The following IPO5 variants were observed in gnomAD, a reference collection of about 807,000 sequenced individuals.
IPO5 encodes the protein importin-5.
In IPO5, 18 loss-of-function variants were observed where a neutral mutation model predicts 143.3. That is an observed-to-expected ratio of 0.13 (90% CI 0.09 to 0.19). The LOEUF (loss-of-function observed/expected upper bound fraction) is 0.19, where lower values mean the gene tolerates loss of function less well. Among genes scored for constraint, IPO5 ranks in the 10% least tolerant of loss-of-function variants. The pLI, the probability that IPO5 is intolerant of heterozygous loss-of-function variation, is 1.00. For synonymous variants in IPO5, 477 were observed against 465.7 expected (o/e 1.02, Z -0.31); for missense variants, 1,013 against 1,336.9 (o/e 0.76, Z 3.78).
chr13:98,019,531 G>A (rs780647353), intron 26 of IPO5, 50 bp from the exon 27 acceptor site: 13 of 1,210,126 alleles, frequency 1.1e-5, no homozygotes, highest in African/African-American at 1.5e-5. Flanking sequence ...ATATTCATTT[G>A]CATGAAAATG....
At chr13:97,960,511 A>C (rs1315398004) in intron 2 of IPO5, 1 of 151,764 alleles carries the variant, frequency 6.6e-6, no homozygotes, top group Non-Finnish European at 1.5e-5. Context: ...CTTTATTGAG[A>C]CATTCATACA....
intron 4 of IPO5, among the ~76,000 whole-genome samples, chr13:97,977,361 G>A (rs1158599161): frequency 6.6e-6 from 1 of 152,108 alleles, no homozygotes; most frequent in Non-Finnish European, 1.5e-5. Flanking sequence ...AACATCAGAA[G>A]CCAGATTTCC....
chr13:98,021,767 C>T lies in IPO5; in HGVS notation c.3239C>T (p.Ala1080Val), dbSNP rs1402954566. Residue 1080 changes from alanine to valine, a missense_variant, in exon 29 of 29, where the codon GCA (alanine) becomes GTA (valine). Coordinates refer to ENST00000651721, the MANE Select transcript of IPO5 (RefSeq NM_002271.6). ...GGAGGACTGTGGACTGAGTGCATAGCACAGCTCAGTCCTGAGCAGCAGGCC... is the reference window on the plus strand; with the variant it reads ...GGAGGACTGTGGACTGAGTGCATAGTACAGCTCAGTCCTGAGCAGCAGGCC... ...TSGGLWTECI[A>V]QLSPEQQAAI... is the part of the protein sequence containing the mutation. The T allele has an allele frequency of 1.3e-6, 2 of 1,594,612 alleles. No individual in the cohort carries two copies. Among genetic ancestry groups the T allele is most frequent in the East Asian group, 2.2e-5 (1 of 44,616 alleles).
At chr13:97,962,001 C>T (rs1162648780) in intron 2 of IPO5, among the ~76,000 whole-genome samples, 2 of 152,070 alleles carry the variant, frequency 1.3e-5, no homozygotes, top group Non-Finnish European at 2.9e-5. Flanking sequence ...TGGGGGCGCA[C>T]ACCTGTAATC....
At chr13:97,959,979 CAAAT>C (rs560664423) in intron 2 of IPO5, among the ~76,000 whole-genome samples, 4 of 152,138 alleles carry the variant, frequency 2.6e-5, no homozygotes, top group Admixed American at 1.3e-4. Flanking sequence ...TTTTTCTAAA[CAAAT>C]GAATGAAGAA....
chr13:98,006,990 C>T (rs1011741215), intron 17 of IPO5, among the ~76,000 whole-genome samples: 3 of 151,400 alleles, frequency 2.0e-5, no homozygotes, highest in African/African-American at 7.3e-5. Context: ...GTCAGCCTCC[C>T]AGGTAGCTGA....
rs905864237 is a variant in IPO5, at chr13:97,961,133, C to T, written c.-113+6935C>T. 2.0e-5 allele frequency among the ~76,000 whole-genome samples: 3 copies of T among 152,330 alleles called. No individual in the cohort carries two copies. In the South Asian group the frequency reaches 6.2e-4, roughly 32 times the overall value. On this transcript the variant is annotated intron_variant, in intron 2 of 28. Coordinates refer to ENST00000651721, the MANE Select transcript of IPO5 (RefSeq NM_002271.6). ...GGCAGTCTAATGAGTTTAAGGTTCA[C>T]TCATGTTGTTACATGTATCATTACT... is the stretch of plus-strand genomic sequence containing the variant.
intron 5 of IPO5, among the ~76,000 whole-genome samples, chr13:97,983,498 G>C (rs1224506375): frequency 6.7e-6 from 1 of 149,248 alleles, no homozygotes; most frequent in African/African-American, 2.5e-5. Context: ...GGATTTTATA[G>C]TTTCCTACTA....
chr13:97,961,637 A>G (rs1884892107), intron 2 of IPO5, among the ~76,000 whole-genome samples: 1 of 152,170 alleles, frequency 6.6e-6, no homozygotes, highest in Non-Finnish European at 1.5e-5. Flanking sequence ...TGAAGTGGTA[A>G]CTTACATTGT....
At chr13:97,968,489 A>C (rs1362090349) in intron 2 of IPO5, among the ~76,000 whole-genome samples, 1 of 152,040 alleles carries the variant, frequency 6.6e-6, no homozygotes, top group Non-Finnish European at 1.5e-5. Context: ...GTCTCAAACT[A>C]TTTTTGTTGA....
intron 2 of IPO5, among the ~76,000 whole-genome samples, chr13:97,961,246 T>C (rs1436211059): frequency 1.3e-5 from 2 of 152,230 alleles, no homozygotes; most frequent in Admixed American, 6.5e-5. Context: ...AGTTGAATTG[T>C]TTCCACTTTT....
At position 98,022,332 on chromosome 13, in the gene IPO5, A is replaced by T. The variant is rs376467355; in HGVS notation, c.*510A>T. On this transcript the variant is annotated 3_prime_UTR_variant, in exon 29 of 29. Coordinates refer to ENST00000651721, the MANE Select transcript of IPO5 (RefSeq NM_002271.6). ...CAGACAACAAGCATGAAGATGGCAT[A>T]TTTGATGTCACTTTGGTTCTTTTTC... 3.3e-5 allele frequency: 5 copies of T among 152,604 alleles called. No individual in the cohort carries two copies. The highest frequency in any genetic ancestry group is 1.2e-4 in the African/African-American group (5 of 41,450). 9.5% of individuals were successfully genotyped at this position (152,604 alleles called of 1,614,324 possible). A position where few individuals can be genotyped will look rare whatever the true frequency, so the allele number is the denominator to read the frequency against.
intron 6 of IPO5, among the ~76,000 whole-genome samples, chr13:97,987,709 G>T (rs1887488392): frequency 6.6e-6 from 1 of 152,080 alleles, no homozygotes; most frequent in Non-Finnish European, 1.5e-5. Context: ...CACCCTGTTT[G>T]CCAGCCTGGT....
In IPO5 at chr13:98,002,872, A is replaced by G; in HGVS notation, c.1332A>G (p.Ala444=). Residue 444 remains alanine, a synonymous_variant, in exon 16 of 29, where the codon GCA becomes GCG. Coordinates refer to ENST00000651721, the MANE Select transcript of IPO5 (RefSeq NM_002271.6). ...TTGGTTTCATTTCACAGGTGATTGC[A>G]GCTCTGCTGCAGACCATGGAAGACC... ...FQKKFHEKVI[A]ALLQTMEDQG... is the part of the protein sequence containing the mutation. 1 of 1,610,766 alleles carries G rather than the reference A, an allele frequency of 6.2e-7. No homozygotes were observed. Among genetic ancestry groups the G allele is most frequent in the Non-Finnish European group, 8.5e-7 (1 of 1,178,792 alleles).
rs1890561691 is a variant in IPO5 at position 98,022,592 on chromosome 13, G to A, written c.*770G>A. On this transcript the variant is annotated 3_prime_UTR_variant, in exon 29 of 29. Transcript: ENST00000651721. ...AGTAATAGCTATCAGTAATAGCTGAGTGTTTTTTCCCCTAATATTTTCCTT... is the reference window on the plus strand; with the variant it reads ...AGTAATAGCTATCAGTAATAGCTGAATGTTTTTTCCCCTAATATTTTCCTT... 6.6e-6 allele frequency: 1 copy of A among 152,210 alleles called. No individual in the cohort carries two copies. The allele number at this position is 152,210 out of a possible 1,614,324, so 9.4% of individuals were successfully genotyped here.
At chr13:97,983,475 A>G (rs1354592752) in intron 5 of IPO5, among the ~76,000 whole-genome samples, 1 of 151,392 alleles carries the variant, frequency 6.6e-6, no homozygotes, top group African/African-American at 2.4e-5. Context: ...GGTAAAAACA[A>G]GGCTATTTCC....
At chr13:97,982,707 T>C (rs1436148875) in intron 5 of IPO5, 124 bp downstream of exon 5, 1 of 668,770 alleles carries the variant, frequency 1.5e-6, no homozygotes, top group Non-Finnish European at 2.5e-6. Context: ...AACTTTGTAC[T>C]TATTATTTGC....
At chr13:97,984,990 T>G (rs1887202218) in intron 5 of IPO5, among the ~76,000 whole-genome samples, 5 of 152,192 alleles carry the variant, frequency 3.3e-5, no homozygotes, top group Admixed American at 3.3e-4. Context: ...AAGATGCTAA[T>G]GAAAGGGCGG....
chr13:97,991,670 G>A (rs1478181148), intron 9 of IPO5, among the ~76,000 whole-genome samples: 3 of 152,178 alleles, frequency 2.0e-5, no homozygotes. Context: ...GGATTTCAGA[G>A]CATTTTGGAT....
Sources: allele counts gnomAD v4.1 joint callset (sites outside exome capture counted in the v4.1 genomes callset), GRCh38; gene constraint gnomAD v4.1.1; transcripts MANE v1.5; gene names NCBI Gene and HGNC (gene_info 2026-07-23, HGNC 2026-07-21).